ZNF8: variants seen among roughly 807,000 people sequenced by gnomAD.
The protein encoded by ZNF8 is zinc finger protein 272.
A neutral mutation model predicts 12.2 loss-of-function variants in ZNF8; 9 were observed. The ratio of observed to expected loss-of-function variants is 0.73; its 90% CI spans 0.44 to 1.28. The LOEUF (loss-of-function observed/expected upper bound fraction) is 1.28. Among genes scored for constraint, ZNF8 ranks in the 50% most tolerant of loss-of-function variants. ZNF8 has a pLI of 0.00. For missense variants in ZNF8, 664 were observed against 729.1 expected (o/e 0.91, Z 1.03); for synonymous variants, 274 against 282.3 (o/e 0.97, Z 0.30).
In ZNF8 at chr19:58,297,353, C is replaced by T. The variant is rs920136415; in HGVS notation, c.*1817C>T. Reference sequence around the variant, plus strand: ...CATTAGCTAGTTTATACATGATGTACTTTTTAGTACATCCTTTACGGTTTT... The same window carrying T: ...CATTAGCTAGTTTATACATGATGTATTTTTTAGTACATCCTTTACGGTTTT... On this transcript the variant is annotated 3_prime_UTR_variant, in exon 4 of 4. Coordinates refer to ENST00000621650, the MANE Select transcript of ZNF8 (RefSeq NM_021089.3). 6.6e-6 allele frequency: 1 copy of T among 151,950 alleles called. No homozygotes were observed. The highest frequency in any genetic ancestry group is 6.6e-5 in the Admixed American group (1 of 15,254). The allele number at this position is 151,950 out of a possible 1,614,324, so 9.4% of individuals were successfully genotyped here.
chr19:58,285,655 C>T, intron 1 of ZNF8, 62 bp from the exon 2 acceptor site: 1 of 1,612,968 alleles, frequency 6.2e-7, no homozygotes, highest in East Asian at 2.2e-5. Context: ...TTCCATTCTT[C>T]CTCTGCCAGA....
Position 58,294,720 on chromosome 19 carries a change from G to A in ZNF8, c.912G>A (p.Glu304=), listed in dbSNP as rs2147961217. ...AGAACTCCTCCCTCGTCCAGCATGA[G>A]CGCATCCACACTGGAGACAAGCCCT... is the stretch of plus-strand genomic sequence containing the variant. ...FSQNSSLVQH[E]RIHTGDKPYK... The change falls in exon 4 of 4, where the codon GAG becomes GAA. Residue 304 remains glutamate (E), a synonymous_variant. Transcript: ENST00000621650. This position sits in a 1 kb window ranked among gnomAD's most constrained non-coding sequence, Gnocchi z 5.5. The A allele has an allele frequency of 1.9e-6, 3 of 1,614,166 alleles. No individual in the cohort carries two copies. The highest frequency in any genetic ancestry group is 1.3e-5 in the African/African-American group (1 of 75,038).
chr19:58,284,653 A>C (rs2051371751), intron 1 of ZNF8, among the ~76,000 whole-genome samples: 1 of 152,184 alleles, frequency 6.6e-6, no homozygotes, highest in South Asian at 2.1e-4. Context: ...GTTCGAGACC[A>C]ACCTGGCCAA....
rs2051489119 is a variant in ZNF8, at chr19:58,301,040, C to G, written c.*5504C>G. 1 of 152,344 alleles carries G rather than the reference C, an allele frequency of 6.6e-6. No individual in the cohort carries two copies. The highest frequency in any genetic ancestry group is 1.5e-5 in the Non-Finnish European group (1 of 68,148). 9.4% of individuals were successfully genotyped at this position (152,344 alleles called of 1,614,324 possible). A position where few individuals can be genotyped will look rare whatever the true frequency, so the allele number is the denominator to read the frequency against. On this transcript the variant is annotated 3_prime_UTR_variant, in exon 4 of 4. Transcript: ENST00000621650. ...CCCCAGGTGTCATCTACATCCCTAG[C>G]TTTGTGCTGCTCACCACCAAATCAG...
chr19:58,291,516 C>T (rs1206015277), intron 3 of ZNF8, among the ~76,000 whole-genome samples: 4 of 152,118 alleles, frequency 2.6e-5, no homozygotes, highest in Non-Finnish European at 4.4e-5. Flanking sequence ...TCTGTGTTTT[C>T]GTCCGTGTTG....
At chr19:58,286,088 C>T (rs1450050964) in intron 2 of ZNF8, 22 bp from the exon 3 acceptor site, 1 of 1,611,350 alleles carries the variant, frequency 6.2e-7, no homozygotes, top group Admixed American at 1.7e-5. Context: ...CCCTCACCTC[C>T]TGTGTTTTTC....
At chr19:58,283,757 G>A (rs1421056578) in intron 1 of ZNF8, among the ~76,000 whole-genome samples, 2 of 151,472 alleles carry the variant, frequency 1.3e-5, no homozygotes, top group Non-Finnish European at 2.9e-5. Context: ...CCACCACCAC[G>A]CTCGGCTAAT....
In ZNF8 at chr19:58,295,438, C is replaced by CA. The variant is rs757596633; in HGVS notation, c.1636dup (p.Ile546AsnfsTer25). ...CAGAGCCCTGGCTTTGTTTGACATC[C>CA]AAAAAATCATGCAAGAGAAAAACCC... On this transcript the variant is annotated frameshift_variant, in exon 4 of 4. Coordinates refer to ENST00000621650, the MANE Select transcript of ZNF8 (RefSeq NM_021089.3). LOFTEE classifies it low-confidence loss of function (END_TRUNC). 3 of 1,613,730 alleles carry CA rather than the reference C, an allele frequency of 1.9e-6. No individual in the cohort carries two copies. Among genetic ancestry groups the CA allele is most frequent in the African/African-American group, 1.3e-5 (1 of 74,898 alleles).
At chr19:58,293,893 C>T (rs952082147) in intron 3 of ZNF8, among the ~76,000 whole-genome samples, 3 of 152,206 alleles carry the variant, frequency 2.0e-5, no homozygotes, top group African/African-American at 7.2e-5. Context: ...CAGTGCATGG[C>T]CCACAGCAGG....
At position 58,295,387 on chromosome 19, in the gene ZNF8, G is replaced by A. The variant is rs763942882; in HGVS notation, c.1579G>A (p.Gly527Arg). The change falls in exon 4 of 4, where the codon GGA (glycine) becomes AGA (arginine). Residue 527 changes from glycine to arginine, a missense_variant. Physicochemically the swap from Gly to Arg is moderately radical, Grantham distance 125. Transcript: ENST00000621650. ...GAACTCCAGAAAGAGCTCTGCAGGC[G>A]GAGCAAAGGCAGGGCAGCCGGAAAG... ...HPNSRKSSAG[G>R]AKAGQPESRA... 3.1e-5 allele frequency: 50 copies of A among 1,614,014 alleles called. No individual in the cohort carries two copies. The highest frequency in any genetic ancestry group is 4.4e-5 in the South Asian group (4 of 91,092).
rs1441075784 is a variant in ZNF8, at chr19:58,300,154, A to G, written c.*4618A>G. On this transcript the variant is annotated 3_prime_UTR_variant, in exon 4 of 4. Coordinates refer to ENST00000621650, the MANE Select transcript of ZNF8 (RefSeq NM_021089.3). Reference sequence around the variant, plus strand: ...GATAGGCAAAATTTGGCACAGGACAAAAGTTAGTGGTAACTAGAACAAAAG... The same window carrying G: ...GATAGGCAAAATTTGGCACAGGACAGAAGTTAGTGGTAACTAGAACAAAAG... 6.6e-6 allele frequency: 1 copy of G among 152,272 alleles called. No homozygotes were observed. The highest frequency in any genetic ancestry group is 1.9e-4 in the East Asian group (1 of 5,198). 9.4% of individuals were successfully genotyped at this position (152,272 alleles called of 1,614,324 possible).
chr19:58,280,006 A>C, intron 1 of ZNF8: 1 of 505,150 alleles, frequency 2.0e-6, no homozygotes, highest in Non-Finnish European at 3.1e-6. Context: ...AATTTGCATG[A>C]AATGCTACCA....
rs576531794 is a variant in ZNF8 at position 58,300,108 on chromosome 19, G to C, written c.*4572G>C. 1 of 152,238 alleles carries C rather than the reference G, an allele frequency of 6.6e-6. No individual in the cohort carries two copies. Among genetic ancestry groups the C allele is most frequent in the Non-Finnish European group, 1.5e-5 (1 of 68,034 alleles). 9.4% of individuals were successfully genotyped at this position (152,238 alleles called of 1,614,324 possible). ...CCGACACTGCCACAATAATAGTTCT[G>C]TGAGTTAGTACCATTTTATAGATAG... On this transcript the variant is annotated 3_prime_UTR_variant, in exon 4 of 4. Coordinates refer to ENST00000621650, the MANE Select transcript of ZNF8 (RefSeq NM_021089.3).
At chr19:58,283,630 C>T (rs1170728806) in intron 1 of ZNF8, among the ~76,000 whole-genome samples, 1 of 137,460 alleles carries the variant, frequency 7.3e-6, no homozygotes, top group Non-Finnish European at 1.5e-5. Flanking sequence ...GTCGGAGTCT[C>T]ACTCTGTTGC....
rs755456540 is a variant in ZNF8 at position 58,295,506 on chromosome 19, C to T, written c.1698C>T (p.Ser566=). Residue 566 remains serine (S), a synonymous_variant, in exon 4 of 4, where the codon TCC becomes TCT. Coordinates refer to ENST00000621650, the MANE Select transcript of ZNF8 (RefSeq NM_021089.3). ...IGVEEPSVGA[S]MLFDIREST is the part of the protein sequence containing the mutation. ...TGGAAGAGCCTTCTGTGGGTGCTTCCATGTTATTTGACATCAGAGAATCCA... is the reference window on the plus strand; with the variant it reads ...TGGAAGAGCCTTCTGTGGGTGCTTCTATGTTATTTGACATCAGAGAATCCA... The T allele has an allele frequency of 6.2e-7, 1 of 1,605,666 alleles. No individual in the cohort carries two copies. The highest frequency in any genetic ancestry group is 8.5e-7 in the Non-Finnish European group (1 of 1,176,208).
At position 58,297,030 on chromosome 19, in the gene ZNF8, G is replaced by A. The variant is rs930254875; in HGVS notation, c.*1494G>A. ...GCGGATCCTTTGAGGTCAGGAGTTTGAGACTAGCCTGGGCCCATGGCGAAA... is the reference window on the plus strand; with the variant it reads ...GCGGATCCTTTGAGGTCAGGAGTTTAAGACTAGCCTGGGCCCATGGCGAAA... On this transcript the variant is annotated 3_prime_UTR_variant, in exon 4 of 4. Transcript: ENST00000621650. The A allele has an allele frequency of 6.6e-6, 1 of 152,146 alleles. No individual in the cohort carries two copies. Among genetic ancestry groups the A allele is most frequent in the Non-Finnish European group, 1.5e-5 (1 of 68,044 alleles). The allele number at this position is 152,146 out of a possible 1,614,324, so 9.4% of individuals were successfully genotyped here.
rs1265761254 is a variant in ZNF8, at chr19:58,297,383, C to G, written c.*1847C>G. Reference sequence around the variant, plus strand: ...TAGTACATCCTTTACGGTTTTGCAGCATTCATAATTGATGTGAAATAAGGA... The same window carrying G: ...TAGTACATCCTTTACGGTTTTGCAGGATTCATAATTGATGTGAAATAAGGA... On this transcript the variant is annotated 3_prime_UTR_variant, in exon 4 of 4. Coordinates refer to ENST00000621650, the MANE Select transcript of ZNF8 (RefSeq NM_021089.3). 6.6e-6 allele frequency: 1 copy of G among 151,824 alleles called. No homozygotes were observed. The highest frequency in any genetic ancestry group is 1.5e-5 in the Non-Finnish European group (1 of 67,982). The allele number at this position is 151,824 out of a possible 1,614,324, so 9.4% of individuals were successfully genotyped here. A position where few individuals can be genotyped will look rare whatever the true frequency, so the allele number is the denominator to read the frequency against.
At chr19:58,289,289 A>C (rs747950841) in intron 3 of ZNF8, among the ~76,000 whole-genome samples, 1 of 152,132 alleles carries the variant, frequency 6.6e-6, no homozygotes, top group Non-Finnish European at 1.5e-5. Flanking sequence ...TGAGTCCAGG[A>C]GTTCGAGACT....
At chr19:58,286,282 G>A (rs2051382773) in intron 3 of ZNF8, 77 bp downstream of exon 3, 1 of 1,316,546 alleles carries the variant, frequency 7.6e-7, no homozygotes, top group South Asian at 1.3e-5. Flanking sequence ...TGGAAAGGGT[G>A]GTGGTTGGTG....
Sources: gnomAD v4.1 joint callset for allele counts (sites outside exome capture counted in the v4.1 genomes callset) on GRCh38, gnomAD v4.1.1 for gene constraint, Gnocchi (gnomAD v3.1) non-coding constraint, MANE v1.5 for transcripts, NCBI Gene and HGNC (gene_info 2026-07-23, HGNC 2026-07-21) for gene names.